The following COMMD10 variants were observed in gnomAD, a reference collection of about 807,000 sequenced individuals.
COMMD10 encodes the protein COMM domain-containing protein 10.
COMMD10 carries 33 observed loss-of-function variants against 28.9 expected under a neutral mutation model. That is an observed-to-expected ratio of 1.14 (90% CI 0.87 to 1.53). The LOEUF is 1.53. Ranked by LOEUF, COMMD10 falls within the 40% of genes most tolerant of loss-of-function variation. The probability of loss-of-function intolerance (pLI) is 0.00; values close to 1 mark genes in which losing one functional copy is unlikely to be tolerated. For missense variants in COMMD10, 310 were observed against 233.4 expected (o/e 1.33, Z -2.14); for synonymous variants, 110 against 81.7 (o/e 1.35, Z -1.87).
chr5:116,218,957 C>T (rs761194203), intron 5 of COMMD10, among the ~76,000 whole-genome samples: 12 of 152,090 alleles, frequency 7.9e-5, no homozygotes, highest in Non-Finnish European at 1.5e-4. Flanking sequence ...GGAGATAGGG[C>T]CTTTAATGAT....
chr5:116,128,493 G>T (rs1254712056), intron 4 of COMMD10, among the ~76,000 whole-genome samples: 1 of 151,484 alleles, frequency 6.6e-6, no homozygotes, highest in African/African-American at 2.4e-5. Context: ...GATGTACACA[G>T]GATAGTTTTA....
rs562899167 is a variant in COMMD10 at position 116,286,590 on chromosome 5, A to G, written c.511-4927A>G. On this transcript the variant is annotated intron_variant, in intron 5 of 6. Coordinates refer to ENST00000274458, the MANE Select transcript of COMMD10 (RefSeq NM_016144.4). ...TTTCATTTGTCTTAAGATATTTCCCAGTTCCAGTTCCCCTTATTACTTATT... is the reference window on the plus strand; with the variant it reads ...TTTCATTTGTCTTAAGATATTTCCCGGTTCCAGTTCCCCTTATTACTTATT... Among the ~76,000 whole-genome samples, 81 of 151,660 alleles carry G rather than the reference A, an allele frequency of 5.3e-4. 3 individuals are homozygous for G. Among genetic ancestry groups the G allele is most frequent in the Middle Eastern group, 3.4e-3 (1 of 294 alleles).
At chr5:116,229,704 T>G (rs998167744) in intron 5 of COMMD10, among the ~76,000 whole-genome samples, 2 of 152,026 alleles carry the variant, frequency 1.3e-5, no homozygotes, top group Non-Finnish European at 2.9e-5. Context: ...GAGTGTACAG[T>G]TGTTCATGCA....
chr5:116,220,177 C>T (rs1561673094), intron 5 of COMMD10, among the ~76,000 whole-genome samples: 1 of 152,112 alleles, frequency 6.6e-6, no homozygotes, highest in African/African-American at 2.4e-5. Flanking sequence ...TAAGACATAA[C>T]AGTACATCCA....
intron 4 of COMMD10, among the ~76,000 whole-genome samples, chr5:116,108,561 G>T (rs1303425575): frequency 6.6e-6 from 1 of 152,198 alleles, no homozygotes; most frequent in Non-Finnish European, 1.5e-5. Flanking sequence ...CGAGCTTCTA[G>T]GTCAACTCAG....
intron 5 of COMMD10, among the ~76,000 whole-genome samples, chr5:116,284,852 G>C (rs1751176652): frequency 6.6e-6 from 1 of 151,918 alleles, no homozygotes; most frequent in African/African-American, 2.4e-5. Flanking sequence ...AATCCAAAGA[G>C]AAGCACCTTT....
At chr5:116,229,468 C>G (rs1749474997) in intron 5 of COMMD10, among the ~76,000 whole-genome samples, 1 of 151,988 alleles carries the variant, frequency 6.6e-6, no homozygotes, top group Admixed American at 6.6e-5. Flanking sequence ...GTAGCATTAC[C>G]TCTATTCAAC....
intron 5 of COMMD10, among the ~76,000 whole-genome samples, chr5:116,135,775 G>A (rs1752008588): frequency 6.6e-6 from 1 of 152,106 alleles, no homozygotes; most frequent in Admixed American, 6.6e-5. Context: ...ATTGGGTTTA[G>A]TACTATCCAT....
At chr5:116,254,094 T>C (rs1041595138) in intron 5 of COMMD10, among the ~76,000 whole-genome samples, 2 of 152,116 alleles carry the variant, frequency 1.3e-5, no homozygotes, top group African/African-American at 2.4e-5. Flanking sequence ...TAGAGGTGTT[T>C]GTAGTATTCT....
intron 5 of COMMD10, among the ~76,000 whole-genome samples, chr5:116,209,159 C>T (rs571734288): frequency 2.6e-5 from 4 of 152,042 alleles, no homozygotes; most frequent in Middle Eastern, 3.4e-3. Flanking sequence ...ACATTATATG[C>T]TGTACTTTGA....
intron 4 of COMMD10, among the ~76,000 whole-genome samples, chr5:116,105,925 A>AT (rs200504129): frequency 0.22 from 33,928 of 151,724 alleles, 4,693 homozygotes; most frequent in African/African-American, 0.38. Context: ...GGATTCATTG[A>AT]TTTTTTTGAA....
chr5:116,112,613 C>T (rs1265189216), intron 4 of COMMD10, among the ~76,000 whole-genome samples: 1 of 152,122 alleles, frequency 6.6e-6, no homozygotes, highest in African/African-American at 2.4e-5. Flanking sequence ...ACAGAATGTT[C>T]TCTATCTCTT....
chr5:116,178,514 G>A (rs1199940093), intron 5 of COMMD10, among the ~76,000 whole-genome samples: 1 of 152,108 alleles, frequency 6.6e-6, no homozygotes, highest in African/African-American at 2.4e-5. Context: ...TCTTGGGTAT[G>A]CAAATGTAAA....
At chr5:116,141,389 G>T (rs1217895563) in intron 5 of COMMD10, among the ~76,000 whole-genome samples, 9 of 151,524 alleles carry the variant, frequency 5.9e-5, no homozygotes, top group East Asian at 1.9e-4. Flanking sequence ...ACTTTCTCAA[G>T]ATTATTTTGG....
intron 5 of COMMD10, among the ~76,000 whole-genome samples, chr5:116,158,040 T>C (rs79684814): frequency 0.32 from 48,323 of 151,294 alleles, 10,994 homozygotes; most frequent in African/African-American, 0.65. Context: ...CTGCCATTTC[T>C]TCTAGATCCT....
chr5:116,215,189 G>A (rs960707637), intron 5 of COMMD10, among the ~76,000 whole-genome samples: 2 of 151,862 alleles, frequency 1.3e-5, no homozygotes, highest in Admixed American at 6.6e-5. Context: ...AATAGTGTTT[G>A]AATCGGCAAA....
At chr5:116,290,361 A>G (rs1037972397) in intron 5 of COMMD10, among the ~76,000 whole-genome samples, 1 of 141,842 alleles carries the variant, frequency 7.1e-6, no homozygotes, top group African/African-American at 2.9e-5. Context: ...TTCTTTTTTC[A>G]TTTTAAAGCT....
At chr5:116,134,633 T>A (rs956500784) in intron 5 of COMMD10, among the ~76,000 whole-genome samples, 3 of 152,048 alleles carry the variant, frequency 2.0e-5, no homozygotes, top group Non-Finnish European at 4.4e-5. Context: ...AATTTATTTA[T>A]TTTTTTTGAG....
chr5:116,282,217 T>C (rs1282956222), intron 5 of COMMD10, among the ~76,000 whole-genome samples: 1 of 151,824 alleles, frequency 6.6e-6, no homozygotes, highest in African/African-American at 2.4e-5. Context: ...TCACTACCCT[T>C]CATCCCAATT....
Sources: gnomAD v4.1 joint callset for allele counts (sites outside exome capture counted in the v4.1 genomes callset) on GRCh38, gnomAD v4.1.1 for gene constraint, MANE v1.5 for transcripts, NCBI Gene and HGNC (gene_info 2026-07-23, HGNC 2026-07-21) for gene names.